TVP23B: variants seen among roughly 807,000 people sequenced by gnomAD.
TVP23B encodes Golgi apparatus membrane protein TVP23 homolog B.
A neutral mutation model predicts 30.6 loss-of-function variants in TVP23B; 10 were observed. The ratio of observed to expected loss-of-function variants is 0.33; its 90% CI spans 0.20 to 0.55. TVP23B has a LOEUF of 0.55. Among genes scored for constraint, TVP23B ranks in the 20% least tolerant of loss-of-function variants. The pLI, the probability that TVP23B is intolerant of heterozygous loss-of-function variation, is 0.91. For missense variants in TVP23B, 153 were observed against 243.2 expected (o/e 0.63, Z 2.47); for synonymous variants, 67 against 83.1 (o/e 0.81, Z 1.06).
At chr17:18,802,673 G>A (rs1176717378) in intron 5 of TVP23B, among the ~76,000 whole-genome samples, 4 of 152,284 alleles carry the variant, frequency 2.6e-5, no homozygotes, top group African/African-American at 9.6e-5. Context: ...GCTGTTTGCT[G>A]TTTGTACCTT....
intron 3 of TVP23B, among the ~76,000 whole-genome samples, chr17:18,793,119 C>G (rs1227326919): frequency 1.3e-5 from 2 of 152,008 alleles, no homozygotes; most frequent in African/African-American, 4.8e-5. Context: ...TCAAAGCTGT[C>G]CTGGGCAGCA....
rs147818822 is a variant in TVP23B, at chr17:18,782,747, A to C, written c.12+1442A>C. On this transcript the variant is annotated intron_variant, in intron 1 of 6. Coordinates refer to ENST00000307767, the MANE Select transcript of TVP23B (RefSeq NM_016078.6). ...TTCCTGATGTTGCCATGGCATTTGTAAACTGGCATGGCGCTGATGGGAGTC... is the reference window on the plus strand; with the variant it reads ...TTCCTGATGTTGCCATGGCATTTGTCAACTGGCATGGCGCTGATGGGAGTC... Among the ~76,000 whole-genome samples the C allele has an allele frequency of 3.1e-3, 478 of 152,018 alleles. 2 individuals are homozygous for C. The highest frequency in any genetic ancestry group is 8.1e-3 in the African/African-American group (335 of 41,458).
At chr17:18,792,791 A>G (rs60353949) in intron 3 of TVP23B, among the ~76,000 whole-genome samples, 70,791 of 151,998 alleles carry the variant, frequency 0.47, 16,753 homozygotes, top group Non-Finnish European at 0.5. Flanking sequence ...ATGGAGATAT[A>G]AAGCAAAATT....
intron 3 of TVP23B, chr17:18,795,695 T>C (rs1271176080): frequency 6.6e-6 from 1 of 152,256 alleles, no homozygotes; most frequent in Non-Finnish European, 1.5e-5. Context: ...GATTGAGTTA[T>C]ATGTGTAGTA....
chr17:18,794,372 A>G (rs1007479929), intron 3 of TVP23B, among the ~76,000 whole-genome samples: 2 of 152,262 alleles, frequency 1.3e-5, no homozygotes, highest in African/African-American at 4.8e-5. Flanking sequence ...AGAAATTAAT[A>G]GAAAGTAGTT....
chr17:18,800,650 A>G (rs1213524621), intron 5 of TVP23B, among the ~76,000 whole-genome samples: 1 of 151,326 alleles, frequency 6.6e-6, no homozygotes, highest in Non-Finnish European at 1.5e-5. Flanking sequence ...TTTTTAGTTC[A>G]TGTAACCCAG....
chr17:18,785,920 G>A (rs2035898743), intron 1 of TVP23B, among the ~76,000 whole-genome samples: 1 of 152,034 alleles, frequency 6.6e-6, no homozygotes, highest in Non-Finnish European at 1.5e-5. Context: ...CATATGTACT[G>A]TTGTAAAGTT....
chr17:18,799,517 T>C (rs1180100833), intron 5 of TVP23B, among the ~76,000 whole-genome samples: 1 of 152,200 alleles, frequency 6.6e-6, no homozygotes, highest in African/African-American at 2.4e-5. Flanking sequence ...CGCAAGCTTT[T>C]ACAATCTAGC....
At chr17:18,796,897 C>G (rs1356156541) in intron 3 of TVP23B, 1 of 152,808 alleles carries the variant, frequency 6.5e-6, no homozygotes, top group Non-Finnish European at 1.5e-5. Context: ...TTCTGATACC[C>G]AGACTAGATC....
intron 5 of TVP23B, among the ~76,000 whole-genome samples, chr17:18,803,092 A>T (rs893535370): frequency 6.6e-6 from 1 of 152,120 alleles, no homozygotes; most frequent in African/African-American, 2.4e-5. Context: ...ACATCTTGTT[A>T]AGGGTAAGGA....
intron 3 of TVP23B, among the ~76,000 whole-genome samples, chr17:18,794,581 A>T (rs938253113): frequency 6.6e-6 from 1 of 152,180 alleles, no homozygotes; most frequent in Non-Finnish European, 1.5e-5. Flanking sequence ...AGGGAAAATA[A>T]TGGACTACTT....
At chr17:18,794,568 A>C (rs1414148879) in intron 3 of TVP23B, among the ~76,000 whole-genome samples, 1 of 152,178 alleles carries the variant, frequency 6.6e-6, no homozygotes, top group African/African-American at 2.4e-5. Context: ...TTAGACAAGA[A>C]AGAGGGAAAA....
At chr17:18,783,710 A>G (rs191315331) in intron 1 of TVP23B, among the ~76,000 whole-genome samples, 69 of 152,328 alleles carry the variant, frequency 4.5e-4, no homozygotes, top group African/African-American at 1.6e-3. Flanking sequence ...CTTCCTGTCT[A>G]CTGTGTCCTG....
At chr17:18,794,066 A>G (rs1292725872) in intron 3 of TVP23B, among the ~76,000 whole-genome samples, 6 of 151,964 alleles carry the variant, frequency 3.9e-5, no homozygotes, top group Non-Finnish European at 8.8e-5. Flanking sequence ...ATTATATCAA[A>G]CTATGTATAG....
intron 1 of TVP23B, among the ~76,000 whole-genome samples, chr17:18,788,579 C>T (rs551980403): frequency 2.0e-5 from 3 of 151,780 alleles, no homozygotes; most frequent in Non-Finnish European, 4.4e-5. Context: ...GTCAGGAGTT[C>T]AAGACCAGCC....
intron 4 of TVP23B, 119 bp from the exon 5 acceptor site, chr17:18,798,693 G>A (rs1567636323): frequency 2.2e-6 from 3 of 1,359,494 alleles, no homozygotes; most frequent in Non-Finnish European, 2.0e-6. Context: ...TTCTAACTTA[G>A]GAGTTGGGCT....
chr17:18,804,076 A>C, intron 5 of TVP23B, 62 bp from the exon 6 acceptor site: 1 of 1,553,302 alleles, frequency 6.4e-7, no homozygotes, highest in Non-Finnish European at 8.8e-7. Flanking sequence ...TGTCTCATTT[A>C]TGGCACAGAG....
chr17:18,782,774 A>G (rs1049962880), intron 1 of TVP23B, among the ~76,000 whole-genome samples: 1 of 151,662 alleles, frequency 6.6e-6, no homozygotes, highest in Non-Finnish European at 1.5e-5. Context: ...ATGGGAGTCT[A>G]GTAGTGAGGA....
At chr17:18,797,817 T>G in intron 4 of TVP23B, 149 bp downstream of exon 4, 2 of 1,035,306 alleles carry the variant, frequency 1.9e-6, no homozygotes, top group Non-Finnish European at 2.8e-6. Flanking sequence ...CTTCTAGAAT[T>G]TAATGCATTT....
Sources: gnomAD v4.1 joint callset for allele counts (sites outside exome capture counted in the v4.1 genomes callset) on GRCh38, gnomAD v4.1.1 for gene constraint, MANE v1.5 for transcripts, NCBI Gene and HGNC (gene_info 2026-07-23, HGNC 2026-07-21) for gene names.